Variants in DGKB observed in about 807,000 individuals in gnomAD.
The protein encoded by DGKB is diacylglycerol kinase beta.
Under a neutral mutation model 114.3 loss-of-function variants are expected in DGKB, and 67 were observed. The observed-to-expected ratio is 0.59, with a 90% confidence interval of 0.48 to 0.72. The LOEUF (loss-of-function observed/expected upper bound fraction) is 0.72. DGKB is among the 30% of genes least tolerant of loss of function. DGKB has a pLI of 0.00. For synonymous variants in DGKB, 398 were observed against 323.1 expected, an observed-to-expected ratio of 1.23 and a Z score of -2.49; for missense variants, 907 against 975.2, an observed-to-expected ratio of 0.93 and a Z score of 0.93.
intron 21 of DGKB, among the ~76,000 whole-genome samples, chr7:14,379,024 A>C (rs977770477): frequency 7.1e-6 from 1 of 140,706 alleles, no homozygotes; most frequent in Non-Finnish European, 1.6e-5. Flanking sequence ...GGAAAATGTC[A>C]TCTGAGGAAA....
chr7:14,378,401 T>C (rs1195303649), intron 21 of DGKB, among the ~76,000 whole-genome samples: 2 of 152,342 alleles, frequency 1.3e-5, no homozygotes, highest in South Asian at 4.1e-4. Flanking sequence ...ATCATGATTA[T>C]GTAAGATGCT....
At chr7:14,769,110 A>G (rs1447323388) in intron 2 of DGKB, among the ~76,000 whole-genome samples, 1 of 130,420 alleles carries the variant, frequency 7.7e-6, no homozygotes, top group African/African-American at 3.2e-5. Context: ...AGAAAGAAAG[A>G]AAGAAAGAAA....
At chr7:14,946,673 T>C (rs541649821) in intron 1 of DGKB, among the ~76,000 whole-genome samples, 1 of 151,522 alleles carries the variant, frequency 6.6e-6, no homozygotes, top group Admixed American at 6.6e-5. Context: ...AACAAGGAAG[T>C]TTTCAAACGG....
chr7:14,660,923 T>C (rs1816929957), intron 13 of DGKB, among the ~76,000 whole-genome samples: 1 of 151,558 alleles, frequency 6.6e-6, no homozygotes. Flanking sequence ...ATCTGATCTT[T>C]GACAAACCTG....
At chr7:14,779,094 T>G (rs2128485037) in intron 2 of DGKB, among the ~76,000 whole-genome samples, 1 of 152,128 alleles carries the variant, frequency 6.6e-6, no homozygotes, top group South Asian at 2.1e-4. Flanking sequence ...AGGGAGAGGT[T>G]GCAGTGAGCC....
chr7:14,395,073 C>T (rs1278855193), intron 21 of DGKB, among the ~76,000 whole-genome samples: 1 of 152,050 alleles, frequency 6.6e-6, no homozygotes, highest in Non-Finnish European at 1.5e-5. Flanking sequence ...TATTATCGAT[C>T]CTTCATTTTT....
intron 23 of DGKB, among the ~76,000 whole-genome samples, chr7:14,243,544 T>C (rs987281533): frequency 6.6e-6 from 1 of 152,218 alleles, no homozygotes; most frequent in Admixed American, 6.5e-5. Flanking sequence ...CTATTAGAAA[T>C]ATAGGAGCTA....
At chr7:14,193,280 T>C (rs1784570226) in intron 23 of DGKB, among the ~76,000 whole-genome samples, 1 of 151,728 alleles carries the variant, frequency 6.6e-6, no homozygotes. Flanking sequence ...TCACACCACC[T>C]GACTTCAAAA....
At chr7:14,697,875 G>A (rs1042537964) in intron 8 of DGKB, among the ~76,000 whole-genome samples, 1 of 142,232 alleles carries the variant, frequency 7.0e-6, no homozygotes, top group Admixed American at 7.0e-5. Context: ...GAAGGTAGGA[G>A]GGAGGGAGGG....
At chr7:14,262,395 C>A (rs1268406028) in intron 23 of DGKB, among the ~76,000 whole-genome samples, 1 of 152,090 alleles carries the variant, frequency 6.6e-6, no homozygotes, top group Non-Finnish European at 1.5e-5. Context: ...ACCCAGGGGA[C>A]CTTGCTTGCC....
chr7:14,216,613 C>G (rs1045929699), intron 23 of DGKB, among the ~76,000 whole-genome samples: 19 of 151,204 alleles, frequency 1.3e-4, no homozygotes, highest in African/African-American at 4.6e-4. Flanking sequence ...GTAATCCCAG[C>G]TACCCGGGAG....
intron 21 of DGKB, among the ~76,000 whole-genome samples, chr7:14,358,816 T>TA (rs1563010196): frequency 6.6e-6 from 1 of 152,112 alleles, no homozygotes. Context: ...CACAAACAAA[T>TA]GGAAGAACAT....
In DGKB at chr7:14,604,192, G is replaced by A. The variant is rs551004610; in HGVS notation, c.1433+3242C>T. On this transcript the variant is annotated intron_variant, in intron 17 of 25. Transcript: ENST00000402815. Reference sequence around the variant, plus strand: ...CAGACACCTTGAAACAGAATAATCAGGATCAGGGAGAGATGATTTATATAA... The same window carrying A: ...CAGACACCTTGAAACAGAATAATCAAGATCAGGGAGAGATGATTTATATAA... 2.6e-5 allele frequency among the ~76,000 whole-genome samples: 4 copies of A among 152,104 alleles called. No individual in the cohort carries two copies. In the East Asian group the frequency reaches 7.7e-4, roughly 29 times the overall value.
At chr7:14,917,681 T>C (rs1350158705) in intron 1 of DGKB, among the ~76,000 whole-genome samples, 9 of 152,000 alleles carry the variant, frequency 5.9e-5, no homozygotes, top group Admixed American at 5.9e-4. Context: ...CATTGCTGAA[T>C]TGTAACATTT....
intron 23 of DGKB, among the ~76,000 whole-genome samples, chr7:14,218,508 C>T (rs1268825744): frequency 6.6e-6 from 1 of 152,044 alleles, no homozygotes; most frequent in Non-Finnish European, 1.5e-5. Context: ...TGTCTGCCAA[C>T]AAAAGCTCTT....
Position 14,345,296 on chromosome 7 carries a change from CT to C in DGKB, c.1926+4del. 6.6e-7 allele frequency: 1 copy of C among 1,504,182 alleles called. No individual in the cohort carries two copies. 93.2% of individuals were successfully genotyped at this position (1,504,182 alleles called of 1,614,324 possible). ...ATTACAAAAGAGAATTCATTTTTTTCTTACTTCTATTTCTACAGATTCATGT... is the reference window on the plus strand; with the variant it reads ...ATTACAAAAGAGAATTCATTTTTTTCTACTTCTATTTCTACAGATTCATGT... On this transcript the variant is annotated splice_donor_region_variant and intron_variant, in intron 22 of 25. Coordinates refer to ENST00000402815, the MANE Select transcript of DGKB (RefSeq NM_001350709.2).
chr7:14,276,249 C>T (rs561588209), intron 23 of DGKB, among the ~76,000 whole-genome samples: 18 of 152,294 alleles, frequency 1.2e-4, no homozygotes. Context: ...TAAATCTATG[C>T]ATCATTCTCA....
intron 21 of DGKB, among the ~76,000 whole-genome samples, chr7:14,397,266 A>G (rs1020520997): frequency 3.9e-5 from 6 of 152,150 alleles, no homozygotes; most frequent in Non-Finnish European, 8.8e-5. Context: ...GGCAGGGGAT[A>G]AGAATTGTGA....
At chr7:14,965,533 A>T (rs564694634) in intron 1 of DGKB, among the ~76,000 whole-genome samples, 3 of 152,238 alleles carry the variant, frequency 2.0e-5, no homozygotes, top group Admixed American at 2.0e-4. Context: ...TAGAATATTA[A>T]ACAAAACAAA....
Sources: gnomAD v4.1 joint callset for allele counts (sites outside exome capture counted in the v4.1 genomes callset) on GRCh38, gnomAD v4.1.1 for gene constraint, MANE v1.5 for transcripts, NCBI Gene and HGNC (gene_info 2026-07-23, HGNC 2026-07-21) for gene names.